The following COBL variants were observed in gnomAD, a reference collection of about 807,000 sequenced individuals.
COBL encodes cordon-bleu WH2 repeat protein, also known as protein cordon-bleu.
COBL carries 51 observed loss-of-function variants against 98.8 expected under a neutral mutation model. The observed-to-expected ratio is 0.52, with a 90% CI of 0.41 to 0.65. The LOEUF is 0.65. Among genes scored for constraint, COBL ranks in the 30% least tolerant of loss-of-function variants. The pLI is 0.00. For synonymous variants in COBL, 634 were observed against 651.7 expected (o/e 0.97, Z 0.41); for missense variants, 1,617 against 1,617.5 (o/e 1.00, Z 0.01).
chr7:51,060,428 T>C (rs1791214447), intron 7 of COBL, among the ~76,000 whole-genome samples: 1 of 152,222 alleles, frequency 6.6e-6, no homozygotes, highest in African/African-American at 2.4e-5. Flanking sequence ...AGCCTGTGCA[T>C]GGAACTCACT....
rs201189568 is a variant in COBL, at chr7:51,184,319, G to A, written c.686-120C>T. 9.0e-5 allele frequency: 52 copies of A among 579,802 alleles called. No individual in the cohort carries two copies. In the East Asian group the frequency reaches 1.6e-3, roughly 18 times the overall value. 35.9% of individuals were successfully genotyped at this position (579,802 alleles called of 1,614,324 possible). ...TAAACTTTTAGTTCTTGTAAGAGAG[G>A]GAAAGCCATCAACTATTTCTTTCAA... On this transcript the variant is annotated intron_variant, in intron 4 of 12. Coordinates refer to ENST00000265136, the MANE Select transcript of COBL (RefSeq NM_015198.5).
At chr7:51,160,973 G>A (rs1284325674) in intron 5 of COBL, among the ~76,000 whole-genome samples, 2 of 151,734 alleles carry the variant, frequency 1.3e-5, no homozygotes, top group African/African-American at 4.8e-5. Context: ...GCGCAATCGA[G>A]GCTCACTGCA....
chr7:51,278,270 T>C (rs1279003364), intron 1 of COBL, among the ~76,000 whole-genome samples: 1 of 151,996 alleles, frequency 6.6e-6, no homozygotes, highest in Non-Finnish European at 1.5e-5. Context: ...AGGAAGAGCA[T>C]GCTCAGTGAG....
At chr7:51,130,230 C>T (rs1798610342) in intron 6 of COBL, among the ~76,000 whole-genome samples, 2 of 152,184 alleles carry the variant, frequency 1.3e-5, no homozygotes, top group African/African-American at 4.8e-5. Flanking sequence ...CTTTGCTGAG[C>T]CTCAGCCGAC....
intron 6 of COBL, among the ~76,000 whole-genome samples, chr7:51,097,412 C>T (rs909080161): frequency 3.6e-4 from 55 of 152,264 alleles, no homozygotes; most frequent in African/African-American, 1.3e-3. Context: ...CCTTCTCTTC[C>T]CATTTCTATT....
At chr7:51,158,074 G>A (rs1786372705) in intron 5 of COBL, among the ~76,000 whole-genome samples, 1 of 152,226 alleles carries the variant, frequency 6.6e-6, no homozygotes, top group Admixed American at 6.5e-5. Flanking sequence ...TAGAGAGGCA[G>A]TGTCATCTGT....
At chr7:51,188,091 T>C in intron 4 of COBL, 1 of 677,388 alleles carries the variant, frequency 1.5e-6, no homozygotes, top group Non-Finnish European at 2.1e-6. Flanking sequence ...TCTTGCTGGG[T>C]CAGCTTGCCT....
chr7:51,126,659 G>A (rs907264900), intron 6 of COBL, among the ~76,000 whole-genome samples: 1 of 152,136 alleles, frequency 6.6e-6, no homozygotes, highest in Non-Finnish European at 1.5e-5. Context: ...TGTGTAGCAA[G>A]GAAGTGACTG....
At chr7:51,131,001 T>C (rs1401979738) in intron 6 of COBL, among the ~76,000 whole-genome samples, 2 of 152,230 alleles carry the variant, frequency 1.3e-5, no homozygotes, top group African/African-American at 2.4e-5. Flanking sequence ...TCAATATTCA[T>C]TGAATACACA....
At chr7:51,100,236 G>A (rs1795691905) in intron 6 of COBL, among the ~76,000 whole-genome samples, 1 of 152,098 alleles carries the variant, frequency 6.6e-6, no homozygotes, top group East Asian at 1.9e-4. Context: ...TTAAAATATT[G>A]AGAGACTTTG....
chr7:51,311,772 T>C (rs1803067069), intron 1 of COBL, among the ~76,000 whole-genome samples: 2 of 151,982 alleles, frequency 1.3e-5, no homozygotes, highest in South Asian at 4.1e-4. Flanking sequence ...CATAAAAGTG[T>C]AAAAAGGCAT....
Position 51,017,028 on chromosome 7 carries a change from TG to T in COBL, c.*522del, listed in dbSNP as rs1786344657. ...TTTTACTACCTAACAAAGCCACCTT[TG>T]AAAAGCCTCCCAATTTTTTTTTCTT... On this transcript the variant is annotated 3_prime_UTR_variant, in exon 13 of 13. Transcript: ENST00000265136. 1 of 403,980 alleles carries T rather than the reference TG, an allele frequency of 2.5e-6. No homozygotes were observed. Among genetic ancestry groups the T allele is most frequent in the Non-Finnish European group, 4.4e-6 (1 of 229,684 alleles). The allele number at this position is 403,980 out of a possible 1,614,324, so 25.0% of individuals were successfully genotyped here.
At chr7:51,107,954 C>T (rs1196369105) in intron 6 of COBL, among the ~76,000 whole-genome samples, 1 of 152,214 alleles carries the variant, frequency 6.6e-6, no homozygotes, top group Non-Finnish European at 1.5e-5. Context: ...GATTCTTCCT[C>T]CTCCTGCAGT....
chr7:51,185,889 G>A (rs1052123348), intron 4 of COBL, among the ~76,000 whole-genome samples: 4 of 152,166 alleles, frequency 2.6e-5, no homozygotes, highest in Non-Finnish European at 4.4e-5. Flanking sequence ...CAGCACACAC[G>A]CTCCTGATAT....
chr7:51,165,394 G>A (rs1787212705), intron 5 of COBL, among the ~76,000 whole-genome samples: 2 of 151,934 alleles, frequency 1.3e-5, no homozygotes, highest in Non-Finnish European at 2.9e-5. Context: ...ATGATAAAGG[G>A]GTTAATTCAG....
In COBL at chr7:51,043,703, C is replaced by T; in HGVS notation, c.1097-11G>A. 6.2e-7 allele frequency: 1 copy of T among 1,609,044 alleles called. No homozygotes were observed. ...CCAGGGGCAGGCTTACTGGACAAGA[C>T]ACGGCAAGGACAGGTCAGCCCAAAC... On this transcript the variant is annotated splice_polypyrimidine_tract_variant and intron_variant, in intron 7 of 12. Transcript: ENST00000265136.
chr7:51,287,749 G>T (rs1409388534), intron 1 of COBL, among the ~76,000 whole-genome samples: 1 of 152,094 alleles, frequency 6.6e-6, no homozygotes, highest in African/African-American at 2.4e-5. Context: ...CCTGCAATGG[G>T]TGGATGGGTA....
chr7:51,137,628 A>AAT (rs1799364155), intron 5 of COBL, among the ~76,000 whole-genome samples: 1 of 151,930 alleles, frequency 6.6e-6, no homozygotes, highest in Admixed American at 6.6e-5. Context: ...GTAAGTACCC[A>AAT]ATATGTGTTA....
intron 1 of COBL, among the ~76,000 whole-genome samples, chr7:51,306,506 A>G (rs1264889323): frequency 6.6e-6 from 1 of 152,176 alleles, no homozygotes; most frequent in African/African-American, 2.4e-5. Context: ...AGCCCAAGAC[A>G]CTGAGCTGGG....
Sources: gnomAD v4.1 joint callset for allele counts (sites outside exome capture counted in the v4.1 genomes callset) on GRCh38, gnomAD v4.1.1 for gene constraint, MANE v1.5 for transcripts, NCBI Gene and HGNC (gene_info 2026-07-23, HGNC 2026-07-21) for gene names.